The following TM2D1 variants were observed in gnomAD, a reference collection of about 807,000 sequenced individuals.
TM2D1 encodes TM2 domain-containing protein 1.
A neutral mutation model predicts 28.4 loss-of-function variants in TM2D1; 15 were observed. That is an observed-to-expected ratio of 0.53 (90% CI 0.35 to 0.81). TM2D1 has a LOEUF of 0.81. Ranked by LOEUF, TM2D1 falls within the 40% of genes least tolerant of loss-of-function variation. TM2D1 has a pLI of 0.01. For synonymous variants in TM2D1, 93 were observed against 96.2 expected, an observed-to-expected ratio of 0.97 and a Z score of 0.20; for missense variants, 236 against 254.9, an observed-to-expected ratio of 0.93 and a Z score of 0.50.
At chr1:61,695,561 T>C (rs1644357931) in intron 4 of TM2D1, among the ~76,000 whole-genome samples, 1 of 152,164 alleles carries the variant, frequency 6.6e-6, no homozygotes, top group Admixed American at 6.6e-5. Flanking sequence ...ATAAAAATGG[T>C]ATAAGACAAG....
In TM2D1 at chr1:61,723,831, C is replaced by T. The variant is rs192486190; in HGVS notation, c.165-45G>A. ...AAATACGGACTACATTCCAACACAA[C>T]ACATTATCATGCCTTTACTATTCAT... On this transcript the variant is annotated intron_variant, in intron 1 of 6. Coordinates refer to ENST00000606498, the MANE Select transcript of TM2D1 (RefSeq NM_032027.3). 7.3e-5 allele frequency: 67 copies of T among 914,796 alleles called. No homozygotes were observed. In the African/African-American group the frequency reaches 1.0e-3, roughly 14 times the overall value. 56.7% of individuals were successfully genotyped at this position (914,796 alleles called of 1,614,324 possible). A position where few individuals can be genotyped will look rare whatever the true frequency, so the allele number is the denominator to read the frequency against.
intron 4 of TM2D1, chr1:61,700,280 A>G (rs867909000): frequency 1.3e-6 from 2 of 1,482,532 alleles, no homozygotes; most frequent in Admixed American, 2.8e-5. Context: ...CTTACCTGTT[A>G]AAGAGGATTT....
At chr1:61,689,289 T>A (rs1371261121) in intron 5 of TM2D1, among the ~76,000 whole-genome samples, 1 of 152,162 alleles carries the variant, frequency 6.6e-6, no homozygotes, top group African/African-American at 2.4e-5. Flanking sequence ...GTTCGTAAAA[T>A]GCAAAGATTT....
In TM2D1 at chr1:61,724,866, G is replaced by A. The variant is rs771262136; in HGVS notation, c.164+91C>T. On this transcript the variant is annotated intron_variant, in intron 1 of 6. Coordinates refer to ENST00000606498, the MANE Select transcript of TM2D1 (RefSeq NM_032027.3). Reference sequence around the variant, plus strand: ...CAGATCAGATTATCGTTTTCACTCAGTACAGCCCTAGCCAGTCCTGACGGC... The same window carrying A: ...CAGATCAGATTATCGTTTTCACTCAATACAGCCCTAGCCAGTCCTGACGGC... 2.2e-6 allele frequency: 3 copies of A among 1,367,384 alleles called. No individual in the cohort carries two copies. In the East Asian group the frequency reaches 7.4e-5, roughly 34 times the overall value. The allele number at this position is 1,367,384 out of a possible 1,614,324, so 84.7% of individuals were successfully genotyped here.
At chr1:61,689,291 C>A (rs1433165608) in intron 5 of TM2D1, among the ~76,000 whole-genome samples, 1 of 152,056 alleles carries the variant, frequency 6.6e-6, no homozygotes, top group African/African-American at 2.4e-5. Flanking sequence ...TCGTAAAATG[C>A]AAAGATTTTT....
At position 61,725,073 on chromosome 1, in the gene TM2D1, C is replaced by T. The variant is rs375009488; in HGVS notation, c.48G>A (p.Thr16=). 9 of 1,613,808 alleles carry T rather than the reference C, an allele frequency of 5.6e-6. No individual in the cohort carries two copies. The African/African-American group carries it at 8.0e-5, about 14-fold the overall frequency. ...PSGPSAPEAV[T]ARLVGVLWFV... ...ACCACAGGACACCAACGAGTCTGGC[C>T]GTCACGGCCTCCGGAGCAGACGGAC... Residue 16 remains threonine (T), a synonymous_variant, in exon 1 of 7, where the codon ACG becomes ACA. Transcript: ENST00000606498.
intron 6 of TM2D1, among the ~76,000 whole-genome samples, chr1:61,681,733 A>T (rs576219126): frequency 1.3e-4 from 20 of 152,332 alleles, no homozygotes; most frequent in Non-Finnish European, 2.1e-4. Flanking sequence ...AATCCTTCTC[A>T]TAAAATAGGA....
In TM2D1 at chr1:61,700,912, T is replaced by C. The variant is rs566991488; in HGVS notation, c.439+22A>G. ...TAAAATATAGGTTTCATAAGGATTTTTTTTTAATGAAACATACGCACCCAA... is the reference window on the plus strand; with the variant it reads ...TAAAATATAGGTTTCATAAGGATTTCTTTTTAATGAAACATACGCACCCAA... On this transcript the variant is annotated intron_variant, in intron 4 of 6. Transcript: ENST00000606498. 30 of 1,564,480 alleles carry C rather than the reference T, an allele frequency of 1.9e-5. 1 individual carries two copies. The East Asian group carries it at 6.3e-4, about 33-fold the overall frequency.
intron 5 of TM2D1, chr1:61,683,767 G>A: frequency 3.2e-6 from 1 of 311,780 alleles, no homozygotes; most frequent in Admixed American, 5.5e-5. Context: ...AGGAACCAAG[G>A]ACTGAATTCT....
rs80124370 is a variant in TM2D1 at position 61,695,307 on chromosome 1, T to C, written c.440-537A>G. On this transcript the variant is annotated intron_variant, in intron 4 of 6. Coordinates refer to ENST00000606498, the MANE Select transcript of TM2D1 (RefSeq NM_032027.3). ...ATTTCTTTTTCCTAAGGATCACCTG[T>C]TTATTAGCTCTATAGTCAAAATCAA... is the stretch of plus-strand genomic sequence containing the variant. Among the ~76,000 whole-genome samples the C allele has an allele frequency of 3.1e-4, 47 of 152,272 alleles. No individual in the cohort carries two copies. The East Asian group carries it at 6.7e-3, about 22-fold the overall frequency.
intron 2 of TM2D1, among the ~76,000 whole-genome samples, chr1:61,711,808 T>C (rs975692538): frequency 1.1e-4 from 17 of 152,314 alleles, no homozygotes; most frequent in Non-Finnish European, 8.8e-5. Flanking sequence ...TGATTAGTTA[T>C]ATAGTAGACA....
chr1:61,701,449 C>T (rs1031252401), intron 3 of TM2D1, among the ~76,000 whole-genome samples: 1 of 151,686 alleles, frequency 6.6e-6, no homozygotes, highest in African/African-American at 2.4e-5. Context: ...AGTGAGATGG[C>T]CATGCCATGC....
At chr1:61,687,396 A>G (rs936824534) in intron 5 of TM2D1, among the ~76,000 whole-genome samples, 6 of 152,196 alleles carry the variant, frequency 3.9e-5, no homozygotes, top group African/African-American at 1.4e-4. Context: ...TTAAAGTGGC[A>G]ATTTTTATGT....
chr1:61,713,434 T>C (rs1300053365), intron 2 of TM2D1, among the ~76,000 whole-genome samples: 2 of 138,390 alleles, frequency 1.4e-5, no homozygotes, highest in African/African-American at 2.7e-5. Flanking sequence ...GCCACAATCA[T>C]GCCACTTACA....
chr1:61,716,460 C>T (rs983502634), intron 2 of TM2D1, among the ~76,000 whole-genome samples: 4 of 139,452 alleles, frequency 2.9e-5, no homozygotes, highest in Admixed American at 1.5e-4. Flanking sequence ...ATTTTATATA[C>T]ATATATAATT....
chr1:61,710,508 AC>A (rs1644471295), intron 2 of TM2D1, among the ~76,000 whole-genome samples: 4 of 130,872 alleles, frequency 3.1e-5, no homozygotes, highest in Non-Finnish European at 6.1e-5. Flanking sequence ...ACACATACAC[AC>A]ACACACACAC....
At chr1:61,719,409 CAGAG>C (rs59016152) in intron 2 of TM2D1, among the ~76,000 whole-genome samples, 5,440 of 149,250 alleles carry the variant, frequency 0.036, 306 homozygotes, top group African/African-American at 0.12. Flanking sequence ...AGTATATACA[CAGAG>C]AGAGAGAGAG....
chr1:61,693,482 C>G (rs996100147), intron 5 of TM2D1, among the ~76,000 whole-genome samples: 5 of 152,156 alleles, frequency 3.3e-5, no homozygotes, highest in African/African-American at 9.7e-5. Context: ...AAGTGAGAAG[C>G]TCATTTCTAA....
intron 2 of TM2D1, among the ~76,000 whole-genome samples, chr1:61,715,774 G>C (rs1193364330): frequency 1.3e-5 from 2 of 151,552 alleles, no homozygotes; most frequent in East Asian, 3.9e-4. Context: ...AAAGTGTTTA[G>C]GGGCTTGAGC....
Sources: gnomAD v4.1 joint callset for allele counts (sites outside exome capture counted in the v4.1 genomes callset) on GRCh38, gnomAD v4.1.1 for gene constraint, MANE v1.5 for transcripts, NCBI Gene and HGNC (gene_info 2026-07-23, HGNC 2026-07-21) for gene names.